Variants in CAMK1D observed in about 807,000 individuals in gnomAD.
CAMK1D encodes the protein calcium/calmodulin-dependent protein kinase type 1D.
CAMK1D carries 9 observed loss-of-function variants against 47.7 expected under a neutral mutation model. The observed-to-expected ratio is 0.19, with a 90% CI of 0.11 to 0.33. The LOEUF is 0.33. CAMK1D is among the 10% of genes least tolerant of loss of function. CAMK1D has a pLI of 1.00. For missense variants in CAMK1D, 291 were observed against 488.7 expected, an observed-to-expected ratio of 0.60 and a Z score of 3.81; for synonymous variants, 184 against 184.9, an observed-to-expected ratio of 0.99 and a Z score of 0.04.
chr10:12,589,162 C>T (rs1837923517), intron 2 of CAMK1D, among the ~76,000 whole-genome samples: 1 of 152,072 alleles, frequency 6.6e-6, no homozygotes, highest in Non-Finnish European at 1.5e-5. Context: ...AGGTGCACAG[C>T]ACAATGCCCG....
intron 1 of CAMK1D, among the ~76,000 whole-genome samples, chr10:12,356,101 C>T (rs1837506979): frequency 6.6e-6 from 1 of 151,914 alleles, no homozygotes; most frequent in Admixed American, 6.6e-5. Context: ...CACTGCACTC[C>T]AGCCTGGGCG....
At chr10:12,392,425 T>C (rs1838770161) in intron 1 of CAMK1D, among the ~76,000 whole-genome samples, 1 of 152,118 alleles carries the variant, frequency 6.6e-6, no homozygotes, top group Admixed American at 6.5e-5. Flanking sequence ...ATTTATCTAC[T>C]CTAAGGACTT....
chr10:12,578,764 T>G (rs7912031), intron 2 of CAMK1D: 5,361 of 153,074 alleles, frequency 0.035, 264 homozygotes, highest in African/African-American at 0.11. Flanking sequence ...CAGAGGTGAG[T>G]TGACCTCCAC....
In CAMK1D at chr10:12,817,912, C is replaced by T. The variant is rs573320823; in HGVS notation, c.833+1584C>T. Among the ~76,000 whole-genome samples the T allele has an allele frequency of 2.0e-5, 3 of 152,286 alleles. No individual in the cohort carries two copies. In the South Asian group the frequency reaches 6.2e-4, roughly 32 times the overall value. ...CCATGTTGGCCAGGGTGGTCTCAAA[C>T]TCCTGACCTCAGGTGATCCACCTGT... On this transcript the variant is annotated intron_variant, in intron 8 of 10. Coordinates refer to ENST00000619168, the MANE Select transcript of CAMK1D (RefSeq NM_153498.4).
chr10:12,459,693 T>C (rs1433394420), intron 1 of CAMK1D, among the ~76,000 whole-genome samples: 2 of 152,260 alleles, frequency 1.3e-5, no homozygotes, highest in Admixed American at 6.5e-5. Flanking sequence ...GGCAGACTTA[T>C]CTGTCATAGT....
chr10:12,432,119 C>T (rs989316473), intron 1 of CAMK1D, among the ~76,000 whole-genome samples: 6 of 152,294 alleles, frequency 3.9e-5, no homozygotes, highest in Admixed American at 1.3e-4. Flanking sequence ...GACACTGGGC[C>T]GCGTTTCTCT....
At chr10:12,372,530 C>T (rs1327292346) in intron 1 of CAMK1D, among the ~76,000 whole-genome samples, 2 of 152,184 alleles carry the variant, frequency 1.3e-5, no homozygotes, top group African/African-American at 2.4e-5. Context: ...GACAGGGACC[C>T]ATGTCCCCAC....
rs78098367 is a variant in CAMK1D, at chr10:12,509,953, A to G, written c.93-43272A>G. On this transcript the variant is annotated intron_variant, in intron 1 of 10. Transcript: ENST00000619168. ...CTCCTAGGCTGGGCGCCTGTTTCCT[A>G]TGTGGGCTGGGATCACTGAAAATAA... Among the ~76,000 whole-genome samples the G allele has an allele frequency of 4.0e-3, 605 of 152,302 alleles. 2 individuals carry two copies. The highest frequency in any genetic ancestry group is 0.01 in the Middle Eastern group (3 of 294).
At chr10:12,349,958 C>A in intron 1 of CAMK1D, 48 bp downstream of exon 1, 2 of 1,159,008 alleles carry the variant, frequency 1.7e-6, no homozygotes, top group Non-Finnish European at 2.4e-6. Context: ...GCGGCAGGGG[C>A]TGCACGGGCA....
intron 1 of CAMK1D, among the ~76,000 whole-genome samples, chr10:12,525,989 C>G (rs1457737029): frequency 1.6e-4 from 25 of 152,234 alleles, no homozygotes; most frequent in Admixed American, 1.5e-3. Flanking sequence ...CCTTCCTGAC[C>G]TCCAGTGATC....
At chr10:12,749,261 GA>G (rs146895932) in intron 3 of CAMK1D, among the ~76,000 whole-genome samples, 1 of 151,702 alleles carries the variant, frequency 6.6e-6, no homozygotes, top group Non-Finnish European at 1.5e-5. Flanking sequence ...AAATATTGGG[GA>G]AAAAAATCTT....
At chr10:12,537,703 G>C (rs1396057673) in intron 1 of CAMK1D, among the ~76,000 whole-genome samples, 1 of 152,194 alleles carries the variant, frequency 6.6e-6, no homozygotes, top group Non-Finnish European at 1.5e-5. Flanking sequence ...GCACATGGCT[G>C]TGTTAGTGGG....
At position 12,387,487 on chromosome 10, in the gene CAMK1D, AAGT is replaced by A. The variant is rs771353927; in HGVS notation, c.92+37578_92+37580del. Among the ~76,000 whole-genome samples, 296 of 124,208 alleles carry A rather than the reference AAGT, an allele frequency of 2.4e-3. 4 individuals are homozygous for A. Among genetic ancestry groups the A allele is most frequent in the Middle Eastern group, 4.5e-3 (1 of 222 alleles). The allele number at this position is 124,208 out of a possible 152,430, so 81.5% of individuals were successfully genotyped here. ...TATAGACATTGTAAACTCTTAATGAAAGTTATATTATGTGTATCTCGGTTGCTT... is the reference window on the plus strand; with the variant it reads ...TATAGACATTGTAAACTCTTAATGAATATATTATGTGTATCTCGGTTGCTT... On this transcript the variant is annotated intron_variant, in intron 1 of 10. Coordinates refer to ENST00000619168, the MANE Select transcript of CAMK1D (RefSeq NM_153498.4).
chr10:12,785,174 C>A (rs1226520422), intron 5 of CAMK1D, among the ~76,000 whole-genome samples: 2 of 152,156 alleles, frequency 1.3e-5, no homozygotes, highest in East Asian at 3.8e-4. Context: ...TTGCATAGGT[C>A]CCTTGTAATA....
rs1199188108 is a variant in CAMK1D, at chr10:12,828,684, C to G, written c.1040-85C>G. ...GGCCCCCCCGCCCCCCACCATAAAC[C>G]CAGCCCCTCTGACACCTGGCAGTGG... On this transcript the variant is annotated intron_variant, in intron 10 of 10. Coordinates refer to ENST00000619168, the MANE Select transcript of CAMK1D (RefSeq NM_153498.4). 9 of 1,041,596 alleles carry G rather than the reference C, an allele frequency of 8.6e-6. No individual in the cohort carries two copies. In the African/African-American group the frequency reaches 9.3e-5, roughly 11 times the overall value. 64.5% of individuals were successfully genotyped at this position (1,041,596 alleles called of 1,614,324 possible).
rs2098677155 is a variant in CAMK1D at position 12,784,837 on chromosome 10, A to T, written c.566-6321A>T. Among the ~76,000 whole-genome samples the T allele has an allele frequency of 5.3e-5, 8 of 152,218 alleles. 1 individual carries two copies. The South Asian group carries it at 1.2e-3, about 24-fold the overall frequency. ...TCCACAGAAATAATGGTGTGTGGCG[A>T]CTAGGTTGGGTTCAGTTGAATCACC... On this transcript the variant is annotated intron_variant, in intron 5 of 10. Coordinates refer to ENST00000619168, the MANE Select transcript of CAMK1D (RefSeq NM_153498.4).
intron 1 of CAMK1D, among the ~76,000 whole-genome samples, chr10:12,548,734 G>A (rs918573455): frequency 6.6e-6 from 1 of 151,864 alleles, no homozygotes; most frequent in Non-Finnish European, 1.5e-5. Context: ...CAAAGTGCTG[G>A]GATTATAGGC....
intron 1 of CAMK1D, among the ~76,000 whole-genome samples, chr10:12,549,612 C>T (rs74116975): frequency 0.036 from 5,530 of 152,252 alleles, 344 homozygotes; most frequent in African/African-American, 0.13. Context: ...GGGTCTGGAA[C>T]CTTGGCTCCC....
At chr10:12,767,598 T>C (rs904848237) in intron 4 of CAMK1D, among the ~76,000 whole-genome samples, 3 of 152,282 alleles carry the variant, frequency 2.0e-5, no homozygotes, top group Admixed American at 6.5e-5. Flanking sequence ...TTTTATACGT[T>C]GTAGGGAGAC....
Sources: allele counts gnomAD v4.1 joint callset (sites outside exome capture counted in the v4.1 genomes callset), GRCh38; gene constraint gnomAD v4.1.1; transcripts MANE v1.5; gene names NCBI Gene and HGNC (gene_info 2026-07-23, HGNC 2026-07-21).